Variants in TNR observed in about 807,000 individuals in gnomAD.
The protein encoded by TNR is tenascin-R.
Under a neutral mutation model 150.4 loss-of-function variants are expected in TNR, and 45 were observed. The ratio of observed to expected loss-of-function variants is 0.30; its 90% CI spans 0.24 to 0.38. The LOEUF (loss-of-function observed/expected upper bound fraction) is 0.38, where lower values mean the gene tolerates loss of function less well. Among genes scored for constraint, TNR ranks in the 10% least tolerant of loss-of-function variants. The pLI is 1.00. For synonymous variants in TNR, 687 were observed against 678.4 expected (o/e 1.01, Z -0.20); for missense variants, 1,544 against 1,759.1 (o/e 0.88, Z 2.19).
At chr1:175,488,345 G>C (rs1219441513) in intron 2 of TNR, among the ~76,000 whole-genome samples, 2 of 152,324 alleles carry the variant, frequency 1.3e-5, no homozygotes, top group East Asian at 3.9e-4. Flanking sequence ...AGTTAGGTGG[G>C]AAGGGAAGAA....
chr1:175,508,074 C>G (rs1180707307), intron 2 of TNR, among the ~76,000 whole-genome samples: 1 of 151,962 alleles, frequency 6.6e-6, no homozygotes, highest in African/African-American at 2.4e-5. Flanking sequence ...AACACATAGA[C>G]ACAGGGAGGG....
At chr1:175,656,514 G>C (rs1665183584) in intron 1 of TNR, 1 of 152,420 alleles carries the variant, frequency 6.6e-6, no homozygotes, top group African/African-American at 2.4e-5. Flanking sequence ...TGGGGACCCA[G>C]TGTTTGCTGA....
intron 9 of TNR, among the ~76,000 whole-genome samples, chr1:175,371,327 G>T (rs1652096557): frequency 6.6e-6 from 1 of 152,140 alleles, no homozygotes; most frequent in Admixed American, 6.5e-5. Context: ...CAACTTGGAG[G>T]TTGATGCTTT....
At chr1:175,366,216 C>T in intron 10 of TNR, 78 bp from the exon 11 acceptor site, 1 of 1,447,424 alleles carries the variant, frequency 6.9e-7, no homozygotes. Flanking sequence ...TTGTGTGTTT[C>T]CAAGCTATCA....
chr1:175,450,340 C>T lies in TNR; in HGVS notation c.-63-43563G>A, dbSNP rs1329939059. Among the ~76,000 whole-genome samples the T allele has an allele frequency of 3.9e-5, 6 of 152,196 alleles. No individual in the cohort carries two copies. The East Asian group carries it at 9.6e-4, about 24-fold the overall frequency. ...CACCCCTCACCTCAAGCCCTAGTCCCTTGCAACTGTCAGCTGATCTTAACC... is the reference window on the plus strand; with the variant it reads ...CACCCCTCACCTCAAGCCCTAGTCCTTTGCAACTGTCAGCTGATCTTAACC... On this transcript the variant is annotated intron_variant, in intron 2 of 22. Transcript: ENST00000367674.
chr1:175,620,155 G>T (rs1036874711), intron 1 of TNR, among the ~76,000 whole-genome samples: 3 of 152,274 alleles, frequency 2.0e-5, no homozygotes, highest in African/African-American at 4.8e-5. Flanking sequence ...GGGGCCCAGA[G>T]GTAAATTCTG....
chr1:175,513,220 C>A (rs859355), intron 2 of TNR, among the ~76,000 whole-genome samples: 96,762 of 152,000 alleles, frequency 0.64, 31,466 homozygotes, highest in African/African-American at 0.77. Context: ...CTACACTGTG[C>A]TGTAGGCGTT....
intron 1 of TNR, among the ~76,000 whole-genome samples, chr1:175,698,444 C>T (rs527588671): frequency 3.9e-5 from 6 of 152,200 alleles, no homozygotes; most frequent in African/African-American, 4.8e-5. Context: ...ACATCCTTGA[C>T]GTGTCCAAGA....
intron 9 of TNR, among the ~76,000 whole-genome samples, chr1:175,376,852 A>C (rs886631750): frequency 1.8e-5 from 2 of 109,116 alleles, no homozygotes; most frequent in Non-Finnish European, 3.8e-5. Context: ...TAATATATAA[A>C]TGTAATATTA....
chr1:175,457,260 C>A (rs1006141233), intron 2 of TNR, among the ~76,000 whole-genome samples: 3 of 152,342 alleles, frequency 2.0e-5, no homozygotes, highest in East Asian at 1.9e-4. Flanking sequence ...AGACTTGAAC[C>A]ATCAGACTCC....
chr1:175,646,296 G>A (rs1664807324), intron 1 of TNR, among the ~76,000 whole-genome samples: 1 of 152,086 alleles, frequency 6.6e-6, no homozygotes, highest in East Asian at 1.9e-4. Context: ...TGCATTGACT[G>A]GGTCACTTTT....
intron 1 of TNR, among the ~76,000 whole-genome samples, chr1:175,549,306 A>G (rs6667463): frequency 0.11 from 16,679 of 152,274 alleles, 1,081 homozygotes; most frequent in East Asian, 0.17. Flanking sequence ...TAATGTCTCA[A>G]ACACTGATAT....
At chr1:175,532,499 A>G (rs979830790) in intron 1 of TNR, among the ~76,000 whole-genome samples, 1 of 152,218 alleles carries the variant, frequency 6.6e-6, no homozygotes, top group South Asian at 2.1e-4. Context: ...TCTCTGACCC[A>G]CTGGTATTGG....
chr1:175,370,279 A>G (rs1209098730), intron 9 of TNR, among the ~76,000 whole-genome samples: 1 of 145,262 alleles, frequency 6.9e-6, no homozygotes, highest in Non-Finnish European at 1.5e-5. Context: ...CCTGGATCTT[A>G]GCGGTAGTAG....
At position 175,315,451 on chromosome 1, in the gene TNR, T is replaced by C. The variant is rs1315235132; in HGVS notation, c.*7906A>G. 1 of 152,218 alleles carries C rather than the reference T, an allele frequency of 6.6e-6. No homozygotes were observed. The highest frequency in any genetic ancestry group is 1.5e-5 in the Non-Finnish European group (1 of 68,044). The allele number at this position is 152,218 out of a possible 1,614,324, so 9.4% of individuals were successfully genotyped here. On this transcript the variant is annotated 3_prime_UTR_variant, in exon 23 of 23. Transcript: ENST00000367674. ...TATGTACTCCATTTTCTTTTTTTTT[T>C]CTTCCTTCCAGTCTTTCTTTTAAGT... is the stretch of plus-strand genomic sequence containing the variant.
chr1:175,428,112 A>G (rs1655096764), intron 2 of TNR, among the ~76,000 whole-genome samples: 1 of 152,210 alleles, frequency 6.6e-6, no homozygotes, highest in African/African-American at 2.4e-5. Flanking sequence ...AAGATGTGTA[A>G]GTTGGTGAAT....
At position 175,371,467 on chromosome 1, in the gene TNR, C is replaced by A. The variant is rs573060801; in HGVS notation, c.1964-4170G>T. Among the ~76,000 whole-genome samples, 5 of 152,192 alleles carry A rather than the reference C, an allele frequency of 3.3e-5. No homozygotes were observed. In the East Asian group the frequency reaches 9.7e-4, roughly 29 times the overall value. ...TGAGCTGAACAAGACATTAGCCTTG[C>A]CTTTTGGGGGTGAAAAGGAATCTGT... is the stretch of plus-strand genomic sequence containing the variant. On this transcript the variant is annotated intron_variant, in intron 9 of 22. Coordinates refer to ENST00000367674, the MANE Select transcript of TNR (RefSeq NM_003285.3).
intron 2 of TNR, among the ~76,000 whole-genome samples, chr1:175,416,929 A>G (rs573032264): frequency 6.6e-6 from 1 of 151,952 alleles, no homozygotes; most frequent in East Asian, 1.9e-4. Context: ...AATGGCGTGA[A>G]CCCGGGAGGC....
At chr1:175,539,301 C>T (rs1382278717) in intron 1 of TNR, 8 of 152,334 alleles carry the variant, frequency 5.3e-5, no homozygotes, top group African/African-American at 1.4e-4. Context: ...TAGAAAATGG[C>T]TACTGCTCTT....
Sources: allele counts gnomAD v4.1 joint callset (sites outside exome capture counted in the v4.1 genomes callset), GRCh38; gene constraint gnomAD v4.1.1; transcripts MANE v1.5; gene names NCBI Gene and HGNC (gene_info 2026-07-23, HGNC 2026-07-21).